SUGCT: variants seen among roughly 807,000 people sequenced by gnomAD.
SUGCT encodes succinyl-CoA:glutarate CoA-transferase.
A neutral mutation model predicts 55.0 loss-of-function variants in SUGCT; 41 were observed. The observed-to-expected ratio is 0.74, with a 90% CI of 0.58 to 0.97. SUGCT has a LOEUF of 0.97. Ranked by LOEUF, SUGCT falls within the 50% of genes least tolerant of loss-of-function variation. The pLI, the probability that SUGCT is intolerant of heterozygous loss-of-function variation, is 0.00. For missense variants in SUGCT, 568 were observed against 547.8 expected (o/e 1.04, Z -0.37); for synonymous variants, 187 against 200.4 (o/e 0.93, Z 0.56).
At chr7:40,433,045 T>C (rs1483230151) in intron 9 of SUGCT, among the ~76,000 whole-genome samples, 1 of 152,144 alleles carries the variant, frequency 6.6e-6, no homozygotes, top group Non-Finnish European at 1.5e-5. Context: ...TGACCCATCT[T>C]TGAGTTTGCT....
chr7:40,216,424 C>T lies in SUGCT; in HGVS notation c.485-21211C>T, dbSNP rs571196887. Among the ~76,000 whole-genome samples the T allele has an allele frequency of 4.3e-5, 6 of 141,116 alleles. No individual in the cohort carries two copies. In the East Asian group the frequency reaches 6.4e-4, roughly 15 times the overall value. 92.6% of individuals were successfully genotyped at this position (141,116 alleles called of 152,430 possible). On this transcript the variant is annotated intron_variant, in intron 6 of 13. Coordinates refer to ENST00000335693, the MANE Select transcript of SUGCT (RefSeq NM_001193313.2). ...CTGAGGTGGGAGAATCCCTTGAGCC[C>T]GGGAGGAGGAGGTTGTAGTGAGCCA... is the stretch of plus-strand genomic sequence containing the variant.
At chr7:40,290,450 A>G (rs936850163) in intron 8 of SUGCT, among the ~76,000 whole-genome samples, 1 of 152,226 alleles carries the variant, frequency 6.6e-6, no homozygotes, top group African/African-American at 2.4e-5. Flanking sequence ...CTGGCTAGCC[A>G]TATGTAGAAA....
chr7:40,815,222 C>T (rs1447599791), intron 13 of SUGCT, among the ~76,000 whole-genome samples: 1 of 152,212 alleles, frequency 6.6e-6, no homozygotes, highest in Non-Finnish European at 1.5e-5. Context: ...GCAGGTCCTC[C>T]TCCAGGGGCC....
At chr7:40,598,671 T>G (rs1488207471) in intron 12 of SUGCT, among the ~76,000 whole-genome samples, 1 of 152,210 alleles carries the variant, frequency 6.6e-6, no homozygotes, top group Non-Finnish European at 1.5e-5. Flanking sequence ...GACAAACATC[T>G]GTTTGGATGC....
At chr7:41,024,037 A>G in the SUGCT span, among the ~76,000 whole-genome samples, 3 of 152,222 alleles carry the variant, frequency 2.0e-5, no homozygotes, top group Non-Finnish European at 4.4e-5. Flanking sequence ...GATAAACAGA[A>G]CAATGCAAGA....
intron 7 of SUGCT, among the ~76,000 whole-genome samples, chr7:40,270,113 G>T (rs1791905600): frequency 6.8e-6 from 1 of 147,334 alleles, no homozygotes; most frequent in Admixed American, 6.9e-5. Flanking sequence ...TTCAGCCTGG[G>T]TGATGGAGCA....
intron 1 of SUGCT, among the ~76,000 whole-genome samples, chr7:40,169,776 GCTC>G (rs1562811288): frequency 6.6e-6 from 1 of 151,410 alleles, no homozygotes; most frequent in Non-Finnish European, 1.5e-5. Flanking sequence ...CATTCTGCCT[GCTC>G]CTCCTGATCT....
At chr7:40,807,959 C>T (rs982704922) in intron 13 of SUGCT, among the ~76,000 whole-genome samples, 1 of 152,180 alleles carries the variant, frequency 6.6e-6, no homozygotes, top group Non-Finnish European at 1.5e-5. Context: ...TCTGGCCTCA[C>T]TTGTGTGTCT....
At chr7:40,992,269 G>A in the SUGCT span, among the ~76,000 whole-genome samples, 1 of 152,136 alleles carries the variant, frequency 6.6e-6, no homozygotes, top group Admixed American at 6.5e-5. Flanking sequence ...AAACTGTCAT[G>A]ACACTGGCGG....
At chr7:40,815,899 C>T (rs1192988722) in intron 13 of SUGCT, among the ~76,000 whole-genome samples, 1 of 151,876 alleles carries the variant, frequency 6.6e-6, no homozygotes, top group Non-Finnish European at 1.5e-5. Flanking sequence ...GGTGGTGCGG[C>T]TCAGGCTGCG....
rs569990229 is a variant in SUGCT, at chr7:40,651,165, A to G, written c.1090-98269A>G. Among the ~76,000 whole-genome samples the G allele has an allele frequency of 4.4e-4, 67 of 152,280 alleles. 1 individual carries two copies. The highest frequency in any genetic ancestry group is 9.0e-4 in the Non-Finnish European group (61 of 68,024). On this transcript the variant is annotated intron_variant, in intron 12 of 13. Transcript: ENST00000335693. The stretch of plus-strand genomic sequence containing the variant: ...ATTTCATGTCTTTGCTATTGTGAAT[A>G]GTGCTGCAATGAAAATATGTGTGCA...
At chr7:40,902,908 T>C in the SUGCT span, among the ~76,000 whole-genome samples, 1 of 152,118 alleles carries the variant, frequency 6.6e-6, no homozygotes, top group Non-Finnish European at 1.5e-5. Flanking sequence ...GAAAACACCA[T>C]AGGCAATGAA....
intron 11 of SUGCT, among the ~76,000 whole-genome samples, chr7:40,459,917 A>G (rs1217396130): frequency 6.6e-6 from 1 of 152,048 alleles, no homozygotes; most frequent in Admixed American, 6.6e-5. Flanking sequence ...TTGCCTTTAC[A>G]TGTCTTCTGA....
At chr7:40,958,508 C>T in the SUGCT span, among the ~76,000 whole-genome samples, 1 of 151,802 alleles carries the variant, frequency 6.6e-6, no homozygotes, top group Non-Finnish European at 1.5e-5. Flanking sequence ...TTTTCACCTC[C>T]ATCAGGTCAT....
chr7:40,846,002 T>C (rs1793536768), intron 13 of SUGCT, among the ~76,000 whole-genome samples: 1 of 152,212 alleles, frequency 6.6e-6, no homozygotes. Flanking sequence ...TATAGCTCTG[T>C]TTAGTTGCTC....
At chr7:40,581,355 C>G (rs546986611) in intron 12 of SUGCT, among the ~76,000 whole-genome samples, 17 of 152,172 alleles carry the variant, frequency 1.1e-4, no homozygotes, top group Non-Finnish European at 2.1e-4. Context: ...ACATGTAAGC[C>G]AGGAGGTAGT....
rs528294701 is a variant in SUGCT, at chr7:40,741,844, A to G, written c.1090-7590A>G. Among the ~76,000 whole-genome samples, 15 of 152,350 alleles carry G rather than the reference A, an allele frequency of 9.8e-5. 1 individual carries two copies. In the South Asian group the frequency reaches 2.5e-3, roughly 25 times the overall value. On this transcript the variant is annotated intron_variant, in intron 12 of 13. Transcript: ENST00000335693. ...GTCAGAGAAGCATATGCTTGATTTCATTGAATTAAATGTTATAAATGGGTG... is the reference window on the plus strand; with the variant it reads ...GTCAGAGAAGCATATGCTTGATTTCGTTGAATTAAATGTTATAAATGGGTG...
intron 9 of SUGCT, among the ~76,000 whole-genome samples, chr7:40,320,145 C>T (rs1349990763): frequency 4.0e-5 from 6 of 148,418 alleles, no homozygotes; most frequent in Admixed American, 3.4e-4. Context: ...CTCGCTCTGT[C>T]ACCCAGGCTG....
chr7:40,380,264 A>G (rs1287915900), intron 9 of SUGCT, among the ~76,000 whole-genome samples: 3 of 152,194 alleles, frequency 2.0e-5, no homozygotes, highest in African/African-American at 7.2e-5. Context: ...GGAATAGGGC[A>G]AGTTAAAATG....
Sources: allele counts gnomAD v4.1 joint callset (sites outside exome capture counted in the v4.1 genomes callset), GRCh38; gene constraint gnomAD v4.1.1; transcripts MANE v1.5; gene names NCBI Gene and HGNC (gene_info 2026-07-23, HGNC 2026-07-21).